The following LCT variants were observed in gnomAD, a reference collection of about 807,000 sequenced individuals.
LCT encodes the protein lactase, also known as lactase/phlorizin hydrolase.
Under a neutral mutation model 173.0 loss-of-function variants are expected in LCT, and 90 were observed. That is an observed-to-expected ratio of 0.52 (90% CI 0.44 to 0.62). LCT has a LOEUF of 0.62. Ranked by LOEUF, LCT falls within the 20% of genes least tolerant of loss-of-function variation. The pLI is 0.00. For missense variants in LCT, 1,864 were observed against 2,431.4 expected, an observed-to-expected ratio of 0.77 and a Z score of 4.91; for synonymous variants, 853 against 957.6, an observed-to-expected ratio of 0.89 and a Z score of 2.02.
In LCT at chr2:135,835,156, T is replaced by A. The variant is rs549159997; in HGVS notation, c.640+1374A>T. On this transcript the variant is annotated intron_variant, in intron 1 of 16. Transcript: ENST00000264162. Reference sequence around the variant, plus strand: ...TAACTAGTGAAAATTAGAATAAACATACAAAAATAAGGAAAATACCTTAAA... The same window carrying A: ...TAACTAGTGAAAATTAGAATAAACAAACAAAAATAAGGAAAATACCTTAAA... 2.2e-4 allele frequency among the ~76,000 whole-genome samples: 33 copies of A among 152,196 alleles called. No homozygotes were observed. In the South Asian group the frequency reaches 5.8e-3, roughly 27 times the overall value.
At chr2:135,826,108 C>A (rs2077886572) in intron 3 of LCT, among the ~76,000 whole-genome samples, 2 of 152,162 alleles carry the variant, frequency 1.3e-5, no homozygotes, top group African/African-American at 4.8e-5. Context: ...CTCTGAGGGG[C>A]CAACCCTACC....
chr2:135,804,723 C>T (rs575121638), intron 10 of LCT, 44 bp downstream of exon 10: 1 of 1,580,056 alleles, frequency 6.3e-7, no homozygotes, highest in Non-Finnish European at 8.7e-7. Flanking sequence ...CCTGCTGGTT[C>T]CTGCATGTGG....
intron 2 of LCT, 141 bp from the exon 3 acceptor site, chr2:135,829,817 G>A (rs2077919415): frequency 1.5e-6 from 1 of 647,474 alleles, no homozygotes; most frequent in African/African-American, 1.9e-5. Flanking sequence ...AAAAGATGGA[G>A]ATGGAATGAG....
Position 135,808,467 on chromosome 2 carries a change from T to C in LCT, c.3880A>G (p.Thr1294Ala). 1.2e-6 allele frequency: 2 copies of C among 1,613,648 alleles called. No homozygotes were observed. The highest frequency in any genetic ancestry group is 1.7e-6 in the Non-Finnish European group (2 of 1,179,594). Reference protein sequence around the residue: ...EDTDRIFYHKTYINEALKAYR... With the variant: ...EDTDRIFYHKAYINEALKAYR... ...CCTTTCAAAGCCTCATTGATGTAGG[T>C]TTTGTGGTAAAATATCCTATCAGTA... Residue 1294 changes from threonine (T) to alanine (A), a missense_variant, in exon 8 of 17, where the codon ACC (threonine) becomes GCC (alanine). Physicochemically the swap from Thr to Ala is moderately conservative, Grantham distance 58. Coordinates refer to ENST00000264162, the MANE Select transcript of LCT (RefSeq NM_002299.4).
rs1292559548 is a variant in LCT, at chr2:135,812,976, G to A, written c.1708-20C>T. The A allele has an allele frequency of 2.5e-6, 4 of 1,608,062 alleles. No homozygotes were observed. The highest frequency in any genetic ancestry group is 3.4e-5 in the Admixed American group (2 of 59,560). On this transcript the variant is annotated intron_variant, in intron 6 of 16. Transcript: ENST00000264162. ...AGCCACCTTGTGAAAAAGTAAGAAG[G>A]AAATACAGTGATTAGTAATAATAAC...
At position 135,817,868 on chromosome 2, in the gene LCT, C is replaced by G. The variant is rs778692456; in HGVS notation, c.1180G>C (p.Ala394Pro). ...GCCCAGCCTCCTTCCACGTTAAAGG[C>G]TCCTGTGGAGGCACCCCAGAGGAAG... ...EGFLWGASTG[A>P]FNVEGGWAEG... Residue 394 changes from alanine to proline, a missense_variant, in exon 6 of 17, where the codon GCC becomes CCC. Coordinates refer to ENST00000264162, the MANE Select transcript of LCT (RefSeq NM_002299.4). The G allele has an allele frequency of 1.2e-6, 2 of 1,614,062 alleles. No homozygotes were observed. Among genetic ancestry groups the G allele is most frequent in the East Asian group, 2.2e-5 (1 of 44,852 alleles).
intron 9 of LCT, among the ~76,000 whole-genome samples, chr2:135,805,439 T>C (rs1017293182): frequency 1.3e-5 from 2 of 152,222 alleles, no homozygotes; most frequent in Admixed American, 6.5e-5. Context: ...AGACAGAAGA[T>C]GGAAAGCAGG....
intron 3 of LCT, among the ~76,000 whole-genome samples, chr2:135,824,864 TTGG>T (rs915457974): frequency 2.0e-5 from 3 of 149,518 alleles, no homozygotes; most frequent in African/African-American, 7.4e-5. Context: ...TTAGCTGGGC[TTGG>T]TGGTGCACGC....
chr2:135,822,083 T>C lies in LCT; in HGVS notation c.923A>G (p.Gln308Arg). Residue 308 changes from glutamine (Q) to arginine (R), a missense_variant, in exon 5 of 17, where the codon CAA (glutamine) becomes CGA (arginine). Transcript: ENST00000264162. ...AATATCAAACCCAATGGTGAGCACTTGGTCTTTATTTATGGCTGTAAGAGA... is the reference window on the plus strand; with the variant it reads ...AATATCAAACCCAATGGTGAGCACTCGGTCTTTATTTATGGCTGTAAGAGA... The part of the protein sequence containing the change: ...FSLFEAINKD[Q>R]VLTIGFDINE... The C allele has an allele frequency of 6.3e-7, 1 of 1,599,740 alleles. No homozygotes were observed. The highest frequency in any genetic ancestry group is 8.6e-7 in the Non-Finnish European group (1 of 1,166,876).
chr2:135,830,364 G>A (rs1452252184), intron 2 of LCT, among the ~76,000 whole-genome samples: 1 of 152,068 alleles, frequency 6.6e-6, no homozygotes, highest in Non-Finnish European at 1.5e-5. Context: ...AGTCTACACA[G>A]GACCATGCCA....
At chr2:135,798,178 T>TG in intron 12 of LCT, 40 bp from the exon 13 acceptor site, 1 of 1,066,182 alleles carries the variant, frequency 9.4e-7, no homozygotes, top group Non-Finnish European at 1.5e-6. Context: ...GCGTTACAGG[T>TG]GGGCACAGCA....
chr2:135,788,848 T>A (rs1184501304), intron 16 of LCT, among the ~76,000 whole-genome samples: 2 of 152,258 alleles, frequency 1.3e-5, no homozygotes, highest in Non-Finnish European at 2.9e-5. Context: ...AATATTTGCA[T>A]ATACATAATG....
chr2:135,828,482 G>GAA (rs1469293441), intron 3 of LCT, among the ~76,000 whole-genome samples: 2 of 152,180 alleles, frequency 1.3e-5, no homozygotes, highest in African/African-American at 4.8e-5. Context: ...GCCCAAACCT[G>GAA]AAGAGGCAGG....
chr2:135,800,417 G>T (rs1182224980), intron 12 of LCT, among the ~76,000 whole-genome samples, 190 bp downstream of exon 12: 1 of 152,062 alleles, frequency 6.6e-6, no homozygotes, highest in African/African-American at 2.4e-5. Context: ...CACAGACAAG[G>T]TCTTTCTATG....
intron 1 of LCT, among the ~76,000 whole-genome samples, chr2:135,836,262 G>A (rs888288737): frequency 3.0e-4 from 46 of 151,922 alleles, no homozygotes; most frequent in African/African-American, 1.1e-3. Flanking sequence ...CAAGTGATCC[G>A]CCCACCTCGG....
intron 3 of LCT, among the ~76,000 whole-genome samples, chr2:135,828,296 T>A (rs2077903933): frequency 6.6e-6 from 1 of 152,204 alleles, no homozygotes; most frequent in Admixed American, 6.5e-5. Flanking sequence ...GTGCTGGGAT[T>A]ACAGGCATGA....
chr2:135,807,526 A>T, intron 8 of LCT, 130 bp from the exon 9 acceptor site: 1 of 826,000 alleles, frequency 1.2e-6, no homozygotes, highest in Non-Finnish European at 2.1e-6. Flanking sequence ...TGAGAGACCA[A>T]CAGATCATCT....
At chr2:135,812,271 C>T (rs761871858) in intron 7 of LCT, 40 bp downstream of exon 7, 6 of 1,549,572 alleles carry the variant, frequency 3.9e-6, no homozygotes, top group Admixed American at 1.7e-5. Flanking sequence ...TGGAGAAGTA[C>T]CACCCACCTT....
chr2:135,793,538 A>C (rs1342404143), intron 14 of LCT, among the ~76,000 whole-genome samples: 1 of 152,186 alleles, frequency 6.6e-6, no homozygotes, highest in Non-Finnish European at 1.5e-5. Flanking sequence ...CAGAAATGTT[A>C]ATTCTGGTAA....
Sources: allele counts gnomAD v4.1 joint callset (sites outside exome capture counted in the v4.1 genomes callset), GRCh38; gene constraint gnomAD v4.1.1; transcripts MANE v1.5; gene names NCBI Gene and HGNC (gene_info 2026-07-23, HGNC 2026-07-21).